Variants in PRKD1 observed in about 807,000 individuals in gnomAD.
PRKD1 encodes the protein protein kinase D1.
PRKD1 carries 63 observed loss-of-function variants against 95.9 expected under a neutral mutation model. That is an observed-to-expected ratio of 0.66 (90% CI 0.54 to 0.81). The LOEUF is 0.81. Among genes scored for constraint, PRKD1 ranks in the 30% least tolerant of loss-of-function variants. The pLI, the probability that PRKD1 is intolerant of heterozygous loss-of-function variation, is 0.00. For synonymous variants in PRKD1, 425 were observed against 423.1 expected, an observed-to-expected ratio of 1.00 and a Z score of -0.05; for missense variants, 1,048 against 1,165.3, an observed-to-expected ratio of 0.90 and a Z score of 1.47.
intron 1 of PRKD1, among the ~76,000 whole-genome samples, chr14:29,854,421 A>G (rs1172216496): frequency 1.3e-5 from 2 of 152,160 alleles, no homozygotes; most frequent in Non-Finnish European, 2.9e-5. Context: ...TGCCCTAGAG[A>G]TGTGTGGAAC....
At chr14:29,665,700 T>C (rs1287521285) in intron 3 of PRKD1, among the ~76,000 whole-genome samples, 1 of 152,206 alleles carries the variant, frequency 6.6e-6, no homozygotes, top group Admixed American at 6.5e-5. Context: ...GTGGAGTGTA[T>C]ACACGCACAC....
At chr14:29,783,970 C>A (rs1248757956) in intron 1 of PRKD1, among the ~76,000 whole-genome samples, 2 of 152,104 alleles carry the variant, frequency 1.3e-5, no homozygotes, top group African/African-American at 4.8e-5. Context: ...CTTTGCTGTG[C>A]CTAAGCTTTT....
intron 13 of PRKD1, among the ~76,000 whole-genome samples, chr14:29,618,493 T>C (rs1879022353): frequency 6.6e-6 from 1 of 152,154 alleles, no homozygotes; most frequent in South Asian, 2.1e-4. Context: ...TGACCTCAGG[T>C]GATCCGGCTG....
intron 2 of PRKD1, among the ~76,000 whole-genome samples, chr14:29,669,630 G>C (rs1193522713): frequency 6.6e-6 from 1 of 152,208 alleles, no homozygotes; most frequent in East Asian, 1.9e-4. Flanking sequence ...CACTTTGGGA[G>C]GCCAAGGCAG....
intron 4 of PRKD1, among the ~76,000 whole-genome samples, chr14:29,639,659 A>G (rs1880631648): frequency 1.3e-5 from 2 of 151,848 alleles, no homozygotes; most frequent in Admixed American, 1.3e-4. Context: ...AAAAAGAAAA[A>G]GAAAGAAAGA....
intron 1 of PRKD1, among the ~76,000 whole-genome samples, chr14:29,839,850 G>A (rs1891760628): frequency 6.6e-6 from 1 of 151,932 alleles, no homozygotes; most frequent in Non-Finnish European, 1.5e-5. Flanking sequence ...GGAGCAGCTG[G>A]GATGCAGGGC....
chr14:29,713,958 C>G (rs1885465290), intron 2 of PRKD1, among the ~76,000 whole-genome samples: 1 of 152,100 alleles, frequency 6.6e-6, no homozygotes, highest in South Asian at 2.1e-4. Flanking sequence ...TTCTTTTAAT[C>G]AGTAGGGTAT....
intron 2 of PRKD1, among the ~76,000 whole-genome samples, chr14:29,723,155 T>A (rs929917191): frequency 3.3e-5 from 5 of 152,112 alleles, no homozygotes; most frequent in African/African-American, 1.2e-4. Context: ...CAAGGATGAA[T>A]GAGTACTTAA....
intron 8 of PRKD1, 73 bp from the exon 9 acceptor site, chr14:29,633,019 T>G: frequency 7.3e-7 from 1 of 1,362,222 alleles, no homozygotes; most frequent in East Asian, 2.3e-5. Flanking sequence ...CATAAATAGA[T>G]TTCCCCAATA....
chr14:29,658,675 T>C (rs1882025890), intron 4 of PRKD1, among the ~76,000 whole-genome samples: 1 of 152,316 alleles, frequency 6.6e-6, no homozygotes, highest in South Asian at 2.1e-4. Context: ...TTTGTTTTTG[T>C]TTGGTTTTTC....
At chr14:29,795,940 G>T (rs1889795862) in intron 1 of PRKD1, among the ~76,000 whole-genome samples, 1 of 152,076 alleles carries the variant, frequency 6.6e-6, no homozygotes. Context: ...AATTTACTAA[G>T]ATCACTTTAA....
At chr14:29,736,125 T>C (rs1324897810) in intron 1 of PRKD1, among the ~76,000 whole-genome samples, 1 of 152,208 alleles carries the variant, frequency 6.6e-6, no homozygotes, top group Non-Finnish European at 1.5e-5. Context: ...TGTAGACCCC[T>C]ACGAAGTAGG....
chr14:29,811,202 C>A (rs992713213), intron 1 of PRKD1, among the ~76,000 whole-genome samples: 1 of 152,178 alleles, frequency 6.6e-6, no homozygotes, highest in Non-Finnish European at 1.5e-5. Context: ...CCTCAACCTG[C>A]CATGGTGTTA....
intron 1 of PRKD1, among the ~76,000 whole-genome samples, chr14:29,771,489 G>C (rs913581298): frequency 6.6e-6 from 1 of 152,076 alleles, no homozygotes; most frequent in Non-Finnish European, 1.5e-5. Context: ...AAACCTTGGT[G>C]GTGTCTGTGT....
chr14:29,634,597 T>G, intron 7 of PRKD1, 56 bp from the exon 8 acceptor site: 1 of 1,599,908 alleles, frequency 6.3e-7, no homozygotes, highest in Non-Finnish European at 8.6e-7. Flanking sequence ...TTTTATGTAT[T>G]TTCATGCATA....
At chr14:29,899,087 T>G (rs983371790) in intron 1 of PRKD1, among the ~76,000 whole-genome samples, 5 of 152,200 alleles carry the variant, frequency 3.3e-5, no homozygotes, top group Admixed American at 2.0e-4. Flanking sequence ...CATTTGCTAT[T>G]TTGAGTTCAA....
Position 29,626,575 on chromosome 14 carries a change from T to C in PRKD1, c.1726-19A>G, listed in dbSNP as rs1393250017. ...TGATGTCCTAGAGGTACAAGCCCAA[T>C]GAAAAAAAAACATGAAGCAGAACAA... On this transcript the variant is annotated intron_variant, in intron 11 of 17. Transcript: ENST00000331968. 1.3e-6 allele frequency: 2 copies of C among 1,532,068 alleles called. No individual in the cohort carries two copies. The highest frequency in any genetic ancestry group is 2.3e-5 in the East Asian group (1 of 42,832). The allele number at this position is 1,532,068 out of a possible 1,614,324, so 94.9% of individuals were successfully genotyped here. A position where few individuals can be genotyped will look rare whatever the true frequency, so the allele number is the denominator to read the frequency against.
At position 29,804,226 on chromosome 14, in the gene PRKD1, G is replaced by T. The variant is rs45562635; in HGVS notation, c.265-78552C>A. On this transcript the variant is annotated intron_variant, in intron 1 of 17. Coordinates refer to ENST00000331968, the MANE Select transcript of PRKD1 (RefSeq NM_002742.3). The stretch of plus-strand genomic sequence containing the variant: ...CATTATACTCCAGTATGGGCAACAA[G>T]AACGAAACTAAAAAAAAAAAAAAAA... Among the ~76,000 whole-genome samples the T allele has an allele frequency of 1.3e-3, 178 of 131,918 alleles. 2 individuals carry two copies. Among genetic ancestry groups the T allele is most frequent in the Non-Finnish European group, 1.9e-3 (119 of 61,876 alleles). The allele number at this position is 131,918 out of a possible 152,430, so 86.5% of individuals were successfully genotyped here. A position where few individuals can be genotyped will look rare whatever the true frequency, so the allele number is the denominator to read the frequency against.
chr14:29,620,425 A>C (rs1879168790), intron 13 of PRKD1, among the ~76,000 whole-genome samples: 1 of 149,778 alleles, frequency 6.7e-6, no homozygotes, highest in African/African-American at 2.5e-5. Flanking sequence ...CAACCTATTC[A>C]TCTGACAAAG....
Sources: gnomAD v4.1 joint callset for allele counts (sites outside exome capture counted in the v4.1 genomes callset) on GRCh38, gnomAD v4.1.1 for gene constraint, MANE v1.5 for transcripts, NCBI Gene and HGNC (gene_info 2026-07-23, HGNC 2026-07-21) for gene names.